The following ITGB8 variants were observed in gnomAD, a reference collection of about 807,000 sequenced individuals.
ITGB8 encodes the protein integrin subunit beta 8, also known as integrin beta-8.
Under a neutral mutation model 89.5 loss-of-function variants are expected in ITGB8, and 30 were observed. The observed-to-expected ratio is 0.34, with a 90% CI of 0.25 to 0.45. The LOEUF is 0.45. Among genes scored for constraint, ITGB8 ranks in the 20% least tolerant of loss-of-function variants. ITGB8 has a pLI of 1.00. For missense variants in ITGB8, 836 were observed against 933.3 expected (o/e 0.90, Z 1.36); for synonymous variants, 335 against 320.4 (o/e 1.05, Z -0.49).
At chr7:20,360,915 CTTTT>C (rs1167974755) in intron 1 of ITGB8, among the ~76,000 whole-genome samples, 26 of 80,890 alleles carry the variant, frequency 3.2e-4, no homozygotes, top group Non-Finnish European at 3.5e-4. Flanking sequence ...CAACTGCAGT[CTTTT>C]TTTTTTTTTT....
chr7:20,400,084 C>T (rs924327913), intron 9 of ITGB8, among the ~76,000 whole-genome samples: 1 of 152,152 alleles, frequency 6.6e-6, no homozygotes, highest in African/African-American at 2.4e-5. Flanking sequence ...ATTAAAACTA[C>T]AGAGAAAACT....
chr7:20,333,302 T>G (rs1784471354), intron 1 of ITGB8, among the ~76,000 whole-genome samples: 1 of 152,226 alleles, frequency 6.6e-6, no homozygotes, highest in African/African-American at 2.4e-5. Context: ...GCTTGTTTGT[T>G]GATTTCAAAA....
In ITGB8 at chr7:20,410,102, G is replaced by A; in HGVS notation, c.*105G>A. The A allele has an allele frequency of 8.7e-7, 1 of 1,144,154 alleles. No homozygotes were observed. Among genetic ancestry groups the A allele is most frequent in the Non-Finnish European group, 1.3e-6 (1 of 796,740 alleles). The allele number at this position is 1,144,154 out of a possible 1,614,324, so 70.9% of individuals were successfully genotyped here. ...GAGGAGACAAATTGCTCACGGTCATGCCAGTTGCTGGTTGTACACTCGAAC... is the reference window on the plus strand; with the variant it reads ...GAGGAGACAAATTGCTCACGGTCATACCAGTTGCTGGTTGTACACTCGAAC... On this transcript the variant is annotated 3_prime_UTR_variant, in exon 14 of 14. Coordinates refer to ENST00000222573, the MANE Select transcript of ITGB8 (RefSeq NM_002214.3).
intron 1 of ITGB8, among the ~76,000 whole-genome samples, chr7:20,338,417 A>G (rs1400838794): frequency 2.0e-5 from 3 of 152,072 alleles, no homozygotes; most frequent in Admixed American, 6.5e-5. Flanking sequence ...ACTTGATGTC[A>G]GGAGTTCGAG....
chr7:20,339,533 G>T (rs1784684831), intron 1 of ITGB8, among the ~76,000 whole-genome samples: 1 of 152,032 alleles, frequency 6.6e-6, no homozygotes. Context: ...TTCTTGCTAG[G>T]AAACTACTAA....
intron 5 of ITGB8, chr7:20,381,449 A>T: frequency 4.4e-6 from 1 of 228,872 alleles, no homozygotes; most frequent in Non-Finnish European, 8.4e-6. Flanking sequence ...GGCATGAGCC[A>T]CCGTGCCTGG....
intron 6 of ITGB8, among the ~76,000 whole-genome samples, chr7:20,383,196 A>T (rs1226395556): frequency 6.6e-6 from 1 of 152,202 alleles, no homozygotes; most frequent in African/African-American, 2.4e-5. Context: ...GAAATTCTAG[A>T]GTGGCAATTG....
intron 11 of ITGB8, among the ~76,000 whole-genome samples, chr7:20,405,348 C>T (rs1787493051): frequency 6.7e-6 from 1 of 149,512 alleles, no homozygotes; most frequent in Non-Finnish European, 1.5e-5. Context: ...GTGACAGAGT[C>T]TCGCTCTGTC....
intron 1 of ITGB8, among the ~76,000 whole-genome samples, chr7:20,342,305 C>G (rs1784786908): frequency 6.6e-6 from 1 of 152,156 alleles, no homozygotes; most frequent in African/African-American, 2.4e-5. Flanking sequence ...ACTAAATACC[C>G]TGAAAGTCCC....
chr7:20,394,825 T>G (rs1787005586), intron 7 of ITGB8, 71 bp from the exon 8 acceptor site: 1 of 1,025,298 alleles, frequency 9.8e-7, no homozygotes, highest in South Asian at 1.3e-5. Flanking sequence ...ACAAAAATAT[T>G]TACTATTTGT....
intron 1 of ITGB8, among the ~76,000 whole-genome samples, chr7:20,341,226 A>T (rs559888028): frequency 6.6e-6 from 1 of 152,330 alleles, no homozygotes; most frequent in South Asian, 2.1e-4. Context: ...GGAATTGAAG[A>T]CAAGTGGATC....
intron 8 of ITGB8, 30 bp from the exon 9 acceptor site, chr7:20,398,830 G>C (rs200571708): frequency 4.0e-6 from 6 of 1,493,958 alleles, no homozygotes; most frequent in Non-Finnish European, 5.4e-6. Context: ...AACTACTCTC[G>C]TATGTAATTT....
chr7:20,408,780 T>C (rs1485019833), intron 12 of ITGB8, among the ~76,000 whole-genome samples: 3 of 152,126 alleles, frequency 2.0e-5, no homozygotes, highest in Non-Finnish European at 2.9e-5. Flanking sequence ...ACCAGATCTT[T>C]GGCTGTGAGG....
In ITGB8 at chr7:20,401,989, A is replaced by C; in HGVS notation, c.1550A>C (p.Gln517Pro). ...SSESCKSHKD[Q>P]PVCSGRGVCV... ...GAGAGTTGCAAGTCACACAAGGATC[A>C]GCCTGTTTGCAGTGGTCGAGGAGTT... is the stretch of plus-strand genomic sequence containing the variant. The change falls in exon 10 of 14, where the codon CAG (glutamine) becomes CCG (proline). Residue 517 changes from glutamine (Q) to proline (P), a missense_variant. This residue lies in a region of ITGB8 where 422 missense variants were observed against 416.9 expected (regional missense o/e 1.01). Coordinates refer to ENST00000222573, the MANE Select transcript of ITGB8 (RefSeq NM_002214.3). The C allele has an allele frequency of 6.2e-7, 1 of 1,614,212 alleles. No individual in the cohort carries two copies. The highest frequency in any genetic ancestry group is 8.5e-7 in the Non-Finnish European group (1 of 1,180,014).
chr7:20,397,591 T>G (rs1435017054), intron 8 of ITGB8, among the ~76,000 whole-genome samples: 1 of 152,228 alleles, frequency 6.6e-6, no homozygotes, highest in Non-Finnish European at 1.5e-5. Flanking sequence ...GCGTTAGGCA[T>G]TTCCTTCTGA....
intron 1 of ITGB8, among the ~76,000 whole-genome samples, chr7:20,338,212 T>C (rs1784638042): frequency 6.6e-6 from 1 of 152,234 alleles, no homozygotes; most frequent in Non-Finnish European, 1.5e-5. Flanking sequence ...GAACTTATTT[T>C]ACCTATGGGT....
chr7:20,363,575 CT>C, intron 1 of ITGB8, 61 bp from the exon 2 acceptor site: 1 of 986,486 alleles, frequency 1.0e-6, no homozygotes, highest in Non-Finnish European at 1.5e-6. Flanking sequence ...TCATTTTAGT[CT>C]AGAATTATAT....
intron 3 of ITGB8, among the ~76,000 whole-genome samples, chr7:20,368,714 T>G (rs1013221643): frequency 6.6e-6 from 1 of 152,222 alleles, no homozygotes; most frequent in African/African-American, 2.4e-5. Context: ...TGCATTTTAT[T>G]TATTTATTTT....
intron 6 of ITGB8, among the ~76,000 whole-genome samples, chr7:20,382,921 G>A (rs749170710): frequency 6.6e-5 from 10 of 152,256 alleles, no homozygotes; most frequent in East Asian, 5.8e-4. Flanking sequence ...AGAATAGAAC[G>A]AAATGTAATC....
Sources: gnomAD v4.1 joint callset for allele counts (sites outside exome capture counted in the v4.1 genomes callset) on GRCh38, gnomAD v4.1.1 for gene constraint, gnomAD v4.1.1 regional missense constraint, MANE v1.5 for transcripts, NCBI Gene and HGNC (gene_info 2026-07-23, HGNC 2026-07-21) for gene names.